The following PLD2 variants were observed in gnomAD, a reference collection of about 807,000 sequenced individuals.
The protein encoded by PLD2 is choline phosphatase 2.
PLD2 carries 101 observed loss-of-function variants against 119.8 expected under a neutral mutation model. That is an observed-to-expected ratio of 0.84 (90% CI 0.72 to 0.99). The LOEUF (loss-of-function observed/expected upper bound fraction) is 0.99. Among genes scored for constraint, PLD2 ranks in the 50% least tolerant of loss-of-function variants. The pLI is 0.00. For synonymous variants in PLD2, 494 were observed against 482.8 expected (o/e 1.02, Z -0.30); for missense variants, 1,164 against 1,226.8 (o/e 0.95, Z 0.76).
chr17:4,823,108 A>G lies in PLD2; in HGVS notation c.*244A>G, dbSNP rs1337891443. On this transcript the variant is annotated 3_prime_UTR_variant, in exon 25 of 25. Coordinates refer to ENST00000263088, the MANE Select transcript of PLD2 (RefSeq NM_002663.5). ...TCATCCCCCCTGCTGCCCAGTGCAA[A>G]CCACTTCTCCATGCTGCAAAGGAGA... 2 of 484,278 alleles carry G rather than the reference A, an allele frequency of 4.1e-6. No individual in the cohort carries two copies. The highest frequency in any genetic ancestry group is 6.5e-5 in the East Asian group (2 of 30,874). 30.0% of individuals were successfully genotyped at this position (484,278 alleles called of 1,614,324 possible).
Position 4,809,532 on chromosome 17 carries a change from G to A in PLD2, c.595G>A (p.Asp199Asn), listed in dbSNP as rs1358824202. 3 of 1,606,710 alleles carry A rather than the reference G, an allele frequency of 1.9e-6. No individual in the cohort carries two copies. Among genetic ancestry groups the A allele is most frequent in the Non-Finnish European group, 2.6e-6 (3 of 1,175,190 alleles). The change falls in exon 7 of 25, where the codon GAC becomes AAC. Residue 199 changes from aspartate (D) to asparagine (N), a missense_variant. Physicochemically the swap from Asp to Asn is conservative, Grantham distance 23. Transcript: ENST00000263088. Reference protein sequence around the residue: ...LEVSQLSFIPDLGRKGLEGMI... With the variant: ...LEVSQLSFIPNLGRKGLEGMI... ...AGTCAGTCAGCTGTCCTTTATCCCGGACTTGGGCCGCAAAGGACTGTGAGT... is the reference window on the plus strand; with the variant it reads ...AGTCAGTCAGCTGTCCTTTATCCCGAACTTGGGCCGCAAAGGACTGTGAGT...
Position 4,815,528 on chromosome 17 carries a change from T to C in PLD2, c.1226T>C (p.Leu409Ser). Residue 409 changes from leucine to serine, a missense_variant, in exon 13 of 25, where the codon TTG (leucine) becomes TCG (serine). Transcript: ENST00000263088. ...ILLFKEVELA[L>S]GINSGYSKRA... Reference sequence around the variant, plus strand: ...CTGTTTAAAGAAGTGGAATTGGCCTTGGGCATCAACAGTGGCTATAGCAAG... The same window carrying C: ...CTGTTTAAAGAAGTGGAATTGGCCTCGGGCATCAACAGTGGCTATAGCAAG... 6.2e-7 allele frequency: 1 copy of C among 1,613,768 alleles called. No individual in the cohort carries two copies. The highest frequency in any genetic ancestry group is 8.5e-7 in the Non-Finnish European group (1 of 1,179,786).
chr17:4,816,896 C>G (rs138802869), intron 15 of PLD2, 41 bp from the exon 16 acceptor site: 22 of 1,586,226 alleles, frequency 1.4e-5, no homozygotes, highest in Non-Finnish European at 1.8e-5. Context: ...CCCAAGGAGT[C>G]CAGCCCTGAC....
At chr17:4,816,244 A>C (rs1423315945) in intron 14 of PLD2, among the ~76,000 whole-genome samples, 1 of 152,036 alleles carries the variant, frequency 6.6e-6, no homozygotes, top group Admixed American at 6.6e-5. Flanking sequence ...TTAGCTGGGC[A>C]TGGTGGCAGT....
At chr17:4,810,511 G>A (rs1195908076) in intron 9 of PLD2, among the ~76,000 whole-genome samples, 1 of 152,098 alleles carries the variant, frequency 6.6e-6, no homozygotes. Flanking sequence ...CGGGCGTGGT[G>A]GTGCGTGCCT....
chr17:4,807,932 AG>A lies in PLD2; in HGVS notation c.110-47del. On this transcript the variant is annotated intron_variant, in intron 2 of 24. Coordinates refer to ENST00000263088, the MANE Select transcript of PLD2 (RefSeq NM_002663.5). The surrounding 1 kb of genome is among the most constrained non-coding windows in gnomAD (Gnocchi z 5.4). ...CAGGGAGGAGAGGCGTTCGGGAGCC[AG>A]GGGGCTGGGGCCTGTTGTGGTCTAC... 1 of 1,607,080 alleles carries A rather than the reference AG, an allele frequency of 6.2e-7. No homozygotes were observed. The highest frequency in any genetic ancestry group is 8.5e-7 in the Non-Finnish European group (1 of 1,174,502).
At chr17:4,818,262 A>T (rs764359743) in intron 18 of PLD2, 35 bp from the exon 19 acceptor site, 1 of 1,581,276 alleles carries the variant, frequency 6.3e-7, no homozygotes, top group Non-Finnish European at 8.7e-7. Flanking sequence ...GCCAGGGGCC[A>T]GGCTGCTGAT....
At position 4,807,350 on chromosome 17, in the gene PLD2, C is replaced by G. The variant is rs1343139163; in HGVS notation, c.-2+125C>G. On this transcript the variant is annotated intron_variant, in intron 1 of 24. Transcript: ENST00000263088. The surrounding 1 kb of genome is among the most constrained non-coding windows in gnomAD (Gnocchi z 5.4). Reference sequence around the variant, plus strand: ...GCTCAGATTTCGGGATTTCTACCCCCGGCTGGGATCGCGTAACTTCCTCAT... The same window carrying G: ...GCTCAGATTTCGGGATTTCTACCCCGGGCTGGGATCGCGTAACTTCCTCAT... The G allele has an allele frequency of 1.3e-5, 2 of 155,440 alleles. No homozygotes were observed. The highest frequency in any genetic ancestry group is 4.8e-5 in the African/African-American group (2 of 41,652). The allele number at this position is 155,440 out of a possible 1,614,324, so 9.6% of individuals were successfully genotyped here. A position where few individuals can be genotyped will look rare whatever the true frequency, so the allele number is the denominator to read the frequency against.
rs1906862992 is a variant in PLD2, at chr17:4,815,373, T to C, written c.1174-103T>C. The C allele has an allele frequency of 2.5e-5, 19 of 750,910 alleles. No homozygotes were observed. The Admixed American group carries it at 3.1e-4, about 12-fold the overall frequency. 46.5% of individuals were successfully genotyped at this position (750,910 alleles called of 1,614,324 possible). ...GGCATATGTGGCAGAGCCTCTAGGA[T>C]CTCCAGACAAGCTGGAGGGACACAC... On this transcript the variant is annotated intron_variant, in intron 12 of 24. Coordinates refer to ENST00000263088, the MANE Select transcript of PLD2 (RefSeq NM_002663.5).
At position 4,823,208 on chromosome 17, in the gene PLD2, T is replaced by G; in HGVS notation, c.*344T>G. Reference sequence around the variant, plus strand: ...AAGGGGGCTCTGCCCCAGGCCCTACTACCCATTGTTCCCTTCCTCTTCCTG... The same window carrying G: ...AAGGGGGCTCTGCCCCAGGCCCTACGACCCATTGTTCCCTTCCTCTTCCTG... On this transcript the variant is annotated 3_prime_UTR_variant, in exon 25 of 25. Transcript: ENST00000263088. The G allele has an allele frequency of 9.6e-6, 2 of 209,090 alleles. No homozygotes were observed. The allele number at this position is 209,090 out of a possible 1,614,324, so 13.0% of individuals were successfully genotyped here.
rs778956155 is a variant in PLD2 at position 4,809,573 on chromosome 17, C to A, written c.614+22C>A. On this transcript the variant is annotated intron_variant, in intron 7 of 24. Transcript: ENST00000263088. ...GACTGTGAGTGTCTGGCCCCCTTCACCCAGGCATCCGTAGACATCACTCTT... is the reference window on the plus strand; with the variant it reads ...GACTGTGAGTGTCTGGCCCCCTTCAACCAGGCATCCGTAGACATCACTCTT... 3 of 1,605,402 alleles carry A rather than the reference C, an allele frequency of 1.9e-6. No individual in the cohort carries two copies. The African/African-American group carries it at 4.0e-5, about 21-fold the overall frequency.
At chr17:4,812,159 C>T (rs1906536404) in intron 10 of PLD2, among the ~76,000 whole-genome samples, 2 of 150,602 alleles carry the variant, frequency 1.3e-5, no homozygotes, top group African/African-American at 2.4e-5. Context: ...TCTTGTTGCC[C>T]AGGCTAGCGT....
Position 4,817,175 on chromosome 17 carries a change from A to G in PLD2, c.1731A>G (p.Thr577=). The change falls in exon 17 of 25, where the codon ACA becomes ACG. Residue 577 remains threonine, a synonymous_variant. Transcript: ENST00000263088. The part of the protein sequence containing the change: ...KTTKAKYKTP[T]YPYLLPKSTS... ...CCAAGGCCAAGTACAAGACTCCCAC[A>G]TACCCCTACCTGCTTCCCAAGTCTA... 1 of 1,613,746 alleles carries G rather than the reference A, an allele frequency of 6.2e-7. No homozygotes were observed. The highest frequency in any genetic ancestry group is 8.5e-7 in the Non-Finnish European group (1 of 1,179,736).
intron 14 of PLD2, 94 bp downstream of exon 14, chr17:4,816,028 C>T: frequency 2.2e-6 from 2 of 924,634 alleles, no homozygotes; most frequent in Non-Finnish European, 3.4e-6. Context: ...TCAGTCATTC[C>T]AGGCCCTGCC....
chr17:4,822,349 G>A (rs1300984253), intron 24 of PLD2, among the ~76,000 whole-genome samples: 1 of 151,754 alleles, frequency 6.6e-6, no homozygotes, highest in East Asian at 1.9e-4. Context: ...AAAGTTAGCC[G>A]GGCATGGTGG....
At position 4,808,808 on chromosome 17, in the gene PLD2, C is replaced by T. The variant is rs572300507; in HGVS notation, c.384-292C>T. On this transcript the variant is annotated intron_variant, in intron 4 of 24. Transcript: ENST00000263088. This position sits in a 1 kb window ranked among gnomAD's most constrained non-coding sequence, Gnocchi z 4.1. The stretch of plus-strand genomic sequence containing the variant: ...GGCAACCTCCTGGGCTCAAGCAGTC[C>T]TCCCGTCTCAGCCTCCAGAGTAGCT... Among the ~76,000 whole-genome samples the T allele has an allele frequency of 6.6e-6, 1 of 152,220 alleles. No individual in the cohort carries two copies. The highest frequency in any genetic ancestry group is 1.9e-4 in the East Asian group (1 of 5,176).
In PLD2 at chr17:4,819,944, G is replaced by A. The variant is rs895488028; in HGVS notation, c.2462+362G>A. On this transcript the variant is annotated intron_variant, in intron 23 of 24. Transcript: ENST00000263088. The surrounding 1 kb of genome is among the most constrained non-coding windows in gnomAD (Gnocchi z 4.2). ...GCAGGAACACCAAAAAACAAAAAGA[G>A]AAAAAAATCTTTTTTTTTTGAGACG... Among the ~76,000 whole-genome samples, 7 of 152,146 alleles carry A rather than the reference G, an allele frequency of 4.6e-5. No individual in the cohort carries two copies. Among genetic ancestry groups the A allele is most frequent in the African/African-American group, 1.7e-4 (7 of 41,522 alleles).
In PLD2 at chr17:4,822,808, T is replaced by C; in HGVS notation, c.2746T>C (p.Leu916=). 6.2e-7 allele frequency: 1 copy of C among 1,613,764 alleles called. No individual in the cohort carries two copies. The highest frequency in any genetic ancestry group is 8.5e-7 in the Non-Finnish European group (1 of 1,179,688). The change falls in exon 25 of 25, where the codon TTG becomes CTG. Residue 916 remains leucine (L), a synonymous_variant. Transcript: ENST00000263088. Reference sequence around the variant, plus strand: ...CCTCAAGTTCCTAGAGGATGAGTCTTTGCTGCCCCCGCTGGGTAGCAAGGA... The same window carrying C: ...CCTCAAGTTCCTAGAGGATGAGTCTCTGCTGCCCCCGCTGGGTAGCAAGGA... ...FPLKFLEDES[L]LPPLGSKEGM...
intron 21 of PLD2, 80 bp downstream of exon 21, chr17:4,818,903 G>A: frequency 2.6e-6 from 4 of 1,517,170 alleles, no homozygotes; most frequent in Non-Finnish European, 3.6e-6. Context: ...GGGGGTGGGG[G>A]AAGGAGGCTG....
Sources: gnomAD v4.1 joint callset for allele counts (sites outside exome capture counted in the v4.1 genomes callset) on GRCh38, gnomAD v4.1.1 for gene constraint, Gnocchi (gnomAD v3.1) non-coding constraint, MANE v1.5 for transcripts, NCBI Gene and HGNC (gene_info 2026-07-23, HGNC 2026-07-21) for gene names.